The following RBM24 variants were observed in gnomAD, a reference collection of about 807,000 sequenced individuals.
RBM24 encodes RNA binding motif protein 24, also known as RNA-binding protein 24.
In RBM24, 5 loss-of-function variants were observed where a neutral mutation model predicts 23.6. That is an observed-to-expected ratio of 0.21 (90% CI 0.11 to 0.45). RBM24 has a LOEUF of 0.45. Among genes scored for constraint, RBM24 ranks in the 20% least tolerant of loss-of-function variants. The pLI, the probability that RBM24 is intolerant of heterozygous loss-of-function variation, is 0.99. For missense variants in RBM24, 252 were observed against 314.6 expected, an observed-to-expected ratio of 0.80 and a Z score of 1.51; for synonymous variants, 151 against 129.5, an observed-to-expected ratio of 1.17 and a Z score of -1.13.
chr6:17,282,799 G>A lies in RBM24; in HGVS notation c.169-6G>A, dbSNP rs1410642809. On this transcript the variant is annotated splice_region_variant and splice_polypyrimidine_tract_variant and intron_variant, in intron 1 of 3. Coordinates refer to ENST00000379052, the MANE Select transcript of RBM24 (RefSeq NM_001143942.2). ...GTATGTATGTCTGTGTGTGTCTGTT[G>A]CTAAGGTCACCATGGCTGACCGGGC... 6.2e-6 allele frequency: 10 copies of A among 1,613,882 alleles called. No individual in the cohort carries two copies. Among genetic ancestry groups the A allele is most frequent in the Non-Finnish European group, 4.2e-6 (5 of 1,179,936 alleles).
intron 3 of RBM24, chr6:17,288,970 G>C: frequency 1.0e-6 from 1 of 985,400 alleles, no homozygotes; most frequent in Non-Finnish European, 1.2e-6. Flanking sequence ...AACCGATTAG[G>C]ATATTGCTTC....
At chr6:17,282,035 G>A in intron 1 of RBM24, 2 of 1,296,480 alleles carry the variant, frequency 1.5e-6, no homozygotes, top group Non-Finnish European at 2.0e-6. Flanking sequence ...GGGGTGCGGA[G>A]GGTTGCGAGG....
chr6:17,290,784 C>A, intron 3 of RBM24: 1 of 1,041,662 alleles, frequency 9.6e-7, no homozygotes, highest in Non-Finnish European at 1.3e-6. Flanking sequence ...AGTTGTACTT[C>A]CCTGTCCTGC....
At chr6:17,290,095 G>A (rs764573300) in intron 3 of RBM24, 8 of 1,288,698 alleles carry the variant, frequency 6.2e-6, no homozygotes, top group Middle Eastern at 2.1e-4. Flanking sequence ...TTTTATCATT[G>A]GGGCCAAAGT....
intron 3 of RBM24, among the ~76,000 whole-genome samples, chr6:17,285,758 T>A (rs1760176635): frequency 6.6e-6 from 1 of 152,212 alleles, no homozygotes; most frequent in African/African-American, 2.4e-5. Flanking sequence ...GTCCTGTGAT[T>A]ACCAGTTTTC....
At chr6:17,288,325 G>A in intron 3 of RBM24, 2 of 985,414 alleles carry the variant, frequency 2.0e-6, no homozygotes, top group Non-Finnish European at 2.4e-6. Context: ...ACGAACATCA[G>A]GACAATGAGT....
At position 17,291,910 on chromosome 6, in the gene RBM24, G is replaced by T; in HGVS notation, c.502G>T (p.Ala168Ser). The T allele has an allele frequency of 6.2e-7, 1 of 1,612,856 alleles. No individual in the cohort carries two copies. Among genetic ancestry groups the T allele is most frequent in the Non-Finnish European group, 8.5e-7 (1 of 1,179,736 alleles). ...ATACTCAGCAGCTGCTGCTGCTGCC[G>T]CCGCCGCTGCTGCCTATGACCAGTA... ...AQYSAAAAAA[A>S]AAAAYDQYPY... The change falls in exon 4 of 4, where the codon GCC (alanine) becomes TCC (serine). Residue 168 changes from alanine (A) to serine (S), a missense_variant. By Grantham distance (99) the Ala-to-Ser change is moderately conservative (BLOSUM62 1). Transcript: ENST00000379052.
chr6:17,290,764 A>G (rs1170283367), intron 3 of RBM24: 1 of 853,586 alleles, frequency 1.2e-6, no homozygotes, highest in African/African-American at 1.8e-5. Flanking sequence ...TATTAATTTT[A>G]GAAATATTTA....
chr6:17,281,686 C>T lies in RBM24; in HGVS notation c.105C>T (p.Gly35=), dbSNP rs1048464804. ...TGCGCAAGTACTTCGAGGTCTTCGG[C>T]GAGATCGAGGAGGCGGTGGTCATCA... The part of the protein sequence containing the change: ...ASLRKYFEVF[G]EIEEAVVITD... The change falls in exon 1 of 4, where the codon GGC becomes GGT. Residue 35 remains glycine, a synonymous_variant. Transcript: ENST00000379052. This position sits in a 1 kb window ranked among gnomAD's most constrained non-coding sequence, Gnocchi z 7.1. 3 of 1,551,702 alleles carry T rather than the reference C, an allele frequency of 1.9e-6. No individual in the cohort carries two copies. The highest frequency in any genetic ancestry group is 2.4e-5 in the East Asian group (1 of 40,956).
Position 17,281,465 on chromosome 6 carries a change from C to T in RBM24, c.-117C>T. On this transcript the variant is annotated 5_prime_UTR_variant, in exon 1 of 4. Transcript: ENST00000379052. The surrounding 1 kb of genome is among the most constrained non-coding windows in gnomAD (Gnocchi z 7.1). The stretch of plus-strand genomic sequence containing the variant: ...GCCGCCGCCCTCGCCCCCGGGCTCG[C>T]CCTTGGCCCCCGGCGGCCGCGAAAG... The T allele has an allele frequency of 5.4e-6, 5 of 918,710 alleles. No homozygotes were observed. Among genetic ancestry groups the T allele is most frequent in the Admixed American group, 5.5e-5 (1 of 18,082 alleles). The allele number at this position is 918,710 out of a possible 1,614,324, so 56.9% of individuals were successfully genotyped here. A position where few individuals can be genotyped will look rare whatever the true frequency, so the allele number is the denominator to read the frequency against.
Position 17,281,977 on chromosome 6 carries a change from A to G in RBM24, c.168+228A>G, listed in dbSNP as rs556003530. 39 of 1,363,592 alleles carry G rather than the reference A, an allele frequency of 2.9e-5. No homozygotes were observed. In the South Asian group the frequency reaches 5.2e-4, roughly 18 times the overall value. 84.5% of individuals were successfully genotyped at this position (1,363,592 alleles called of 1,614,324 possible). Reference sequence around the variant, plus strand: ...CGCTGTGCGAGGTCGGGGGCCGGGCAGGGCAGAGCAGGGGTGAAAGGAGAG... The same window carrying G: ...CGCTGTGCGAGGTCGGGGGCCGGGCGGGGCAGAGCAGGGGTGAAAGGAGAG... On this transcript the variant is annotated intron_variant, in intron 1 of 3. Transcript: ENST00000379052. This position sits in a 1 kb window ranked among gnomAD's most constrained non-coding sequence, Gnocchi z 7.1.
chr6:17,281,388 G>T lies in RBM24; in HGVS notation c.-194G>T. On this transcript the variant is annotated 5_prime_UTR_variant, in exon 1 of 4. Transcript: ENST00000379052. This position sits in a 1 kb window ranked among gnomAD's most constrained non-coding sequence, Gnocchi z 7.1. The stretch of plus-strand genomic sequence containing the variant: ...GTCTCCAGGGCCGCTGGCGACTTCG[G>T]AAGCCGCGCGCCCGGCGCTCTCGGC... 6.3e-6 allele frequency: 1 copy of T among 159,418 alleles called. No individual in the cohort carries two copies. Among genetic ancestry groups the T allele is most frequent in the Non-Finnish European group, 1.3e-5 (1 of 76,060 alleles). 9.9% of individuals were successfully genotyped at this position (159,418 alleles called of 1,614,324 possible).
intron 1 of RBM24, chr6:17,282,474 G>A: frequency 2.1e-6 from 1 of 472,464 alleles, no homozygotes; most frequent in South Asian, 1.7e-5. Context: ...GGATTCGGGG[G>A]AAGGAGGATC....
chr6:17,282,825 T>G lies in RBM24; in HGVS notation c.189T>G (p.Ala63=). 1 of 1,614,154 alleles carries G rather than the reference T, an allele frequency of 6.2e-7. No homozygotes were observed. The highest frequency in any genetic ancestry group is 1.1e-5 in the South Asian group (1 of 91,068). ...GYGFVTMADR[A]AAERACKDPN... ...CTAAGGTCACCATGGCTGACCGGGC[T>G]GCTGCCGAAAGGGCCTGCAAGGATC... The change falls in exon 2 of 4, where the codon GCT becomes GCG. Residue 63 remains alanine (A), a synonymous_variant. Transcript: ENST00000379052.
intron 3 of RBM24, among the ~76,000 whole-genome samples, chr6:17,290,252 G>T (rs1760317491): frequency 2.0e-5 from 3 of 152,174 alleles, no homozygotes. Context: ...GAAATTGAAA[G>T]GTTGTTACTT....
intron 1 of RBM24, 173 bp from the exon 2 acceptor site, chr6:17,282,632 C>CCG: frequency 4.6e-6 from 2 of 433,854 alleles, no homozygotes; most frequent in Non-Finnish European, 7.9e-6. Context: ...CGCCCCCGCC[C>CCG]GCCTGTTAAA....
Position 17,281,871 on chromosome 6 carries a change from GC to G in RBM24, c.168+126del. On this transcript the variant is annotated intron_variant, in intron 1 of 3. Transcript: ENST00000379052. This position sits in a 1 kb window ranked among gnomAD's most constrained non-coding sequence, Gnocchi z 7.1. ...GGAGCCCCGCGGGTAGAGCGGCGCT[GC>G]CCCTTCGCTCCGGGGTGAACTGAAA... is the stretch of plus-strand genomic sequence containing the variant. 7.3e-7 allele frequency: 1 copy of G among 1,378,282 alleles called. No homozygotes were observed. The highest frequency in any genetic ancestry group is 9.9e-7 in the Non-Finnish European group (1 of 1,010,446). 85.4% of individuals were successfully genotyped at this position (1,378,282 alleles called of 1,614,324 possible).
At chr6:17,288,853 A>C in intron 3 of RBM24, 1 of 985,456 alleles carries the variant, frequency 1.0e-6, no homozygotes, top group Non-Finnish European at 1.2e-6. Context: ...GCCAAGGCTT[A>C]AGAAATTTGC....
chr6:17,282,412 T>G, intron 1 of RBM24: 1 of 550,870 alleles, frequency 1.8e-6, no homozygotes, highest in Non-Finnish European at 3.2e-6. Context: ...AGGCTGGACT[T>G]TCTTTAAAGC....
Sources: allele counts gnomAD v4.1 joint callset (sites outside exome capture counted in the v4.1 genomes callset), GRCh38; gene constraint gnomAD v4.1.1; non-coding constraint Gnocchi (gnomAD v3.1); transcripts MANE v1.5; gene names NCBI Gene and HGNC (gene_info 2026-07-23, HGNC 2026-07-21).